Variants in ATAD2B observed in about 807,000 individuals in gnomAD.
The protein encoded by ATAD2B is ATPase family AAA domain-containing protein 2B.
ATAD2B carries 40 observed loss-of-function variants against 167.6 expected under a neutral mutation model. The observed-to-expected ratio is 0.24, with a 90% CI of 0.19 to 0.31. The LOEUF is 0.31. Among genes scored for constraint, ATAD2B ranks in the 10% least tolerant of loss-of-function variants. ATAD2B has a pLI of 1.00. For missense variants in ATAD2B, 1,242 were observed against 1,757.2 expected, an observed-to-expected ratio of 0.71 and a Z score of 5.24; for synonymous variants, 579 against 596.5, an observed-to-expected ratio of 0.97 and a Z score of 0.43.
chr2:23,681,320 A>G, the ATAD2B span, among the ~76,000 whole-genome samples: 1 of 152,250 alleles, frequency 6.6e-6, no homozygotes, highest in Non-Finnish European at 1.5e-5. This position sits in a 1 kb window ranked among gnomAD's most constrained non-coding sequence, Gnocchi z 4.2. Flanking sequence ...TGAGATTCAG[A>G]GAGAGCAGAA....
At chr2:23,886,101 T>C (rs1343375344) in intron 4 of ATAD2B, among the ~76,000 whole-genome samples, 1 of 151,958 alleles carries the variant, frequency 6.6e-6, no homozygotes, top group African/African-American at 2.4e-5. Flanking sequence ...TGCACTACCA[T>C]GCCCAGCTAA....
chr2:23,764,056 T>C (rs984445821), intron 23 of ATAD2B, among the ~76,000 whole-genome samples: 4 of 152,234 alleles, frequency 2.6e-5, no homozygotes, highest in African/African-American at 9.6e-5. Context: ...TAAACAATGC[T>C]CCTATGAACA....
intron 18 of ATAD2B, among the ~76,000 whole-genome samples, chr2:23,805,445 A>G (rs1017012781): frequency 6.6e-5 from 10 of 152,226 alleles, no homozygotes; most frequent in African/African-American, 2.4e-4. Context: ...ACTCCTTTGT[A>G]TGTCAAGATA....
intron 13 of ATAD2B, among the ~76,000 whole-genome samples, chr2:23,838,008 C>T (rs1690285615): frequency 6.6e-6 from 1 of 152,174 alleles, no homozygotes; most frequent in Non-Finnish European, 1.5e-5. Flanking sequence ...TATTCCTTTA[C>T]TCTTATTGCT....
In ATAD2B at chr2:23,785,594, T is replaced by C. The variant is rs553152106; in HGVS notation, c.2973+433A>G. 3.3e-5 allele frequency among the ~76,000 whole-genome samples: 5 copies of C among 152,168 alleles called. No individual in the cohort carries two copies. In the East Asian group the frequency reaches 7.7e-4, roughly 23 times the overall value. ...CCCAGCCACAGGCATTTCCAAAATA[T>C]GAAAGACAAAGAAATTTCAGGTTTT... On this transcript the variant is annotated intron_variant, in intron 21 of 27. Transcript: ENST00000238789.
intron 13 of ATAD2B, among the ~76,000 whole-genome samples, chr2:23,849,358 CATAAT>C (rs1219770842): frequency 1.3e-5 from 2 of 152,016 alleles, no homozygotes; most frequent in African/African-American, 4.8e-5. Context: ...ATGGACATTT[CATAAT>C]ATAAGAAAGC....
At chr2:23,827,104 G>A (rs1688372166) in intron 15 of ATAD2B, among the ~76,000 whole-genome samples, 2 of 151,698 alleles carry the variant, frequency 1.3e-5, no homozygotes, top group South Asian at 2.1e-4. Context: ...AATGTGAACC[G>A]GTTTCTCAGA....
the ATAD2B span, among the ~76,000 whole-genome samples, chr2:23,741,796 C>A: frequency 6.6e-6 from 1 of 152,046 alleles, no homozygotes; most frequent in Non-Finnish European, 1.5e-5. Flanking sequence ...ATTTTTGCAA[C>A]CTACTCATCT....
At chr2:23,830,381 C>T (rs536830940) in intron 14 of ATAD2B, among the ~76,000 whole-genome samples, 24 of 152,336 alleles carry the variant, frequency 1.6e-4, no homozygotes, top group Middle Eastern at 6.8e-3. Context: ...GTTTTCACAT[C>T]TGCACTCTTT....
chr2:23,882,499 A>AT (rs1384999512), intron 6 of ATAD2B, among the ~76,000 whole-genome samples: 4 of 128,386 alleles, frequency 3.1e-5, no homozygotes, highest in African/African-American at 9.4e-5. Context: ...CCCAGCCTCT[A>AT]TTTAAAAAAA....
the ATAD2B span, among the ~76,000 whole-genome samples, chr2:23,711,086 T>A: frequency 2.0e-5 from 3 of 152,172 alleles, no homozygotes; most frequent in Non-Finnish European, 1.5e-5. Flanking sequence ...TATATTTTTA[T>A]GATTGTGGGT....
chr2:23,889,771 T>A (rs1472019596), intron 2 of ATAD2B, among the ~76,000 whole-genome samples: 2 of 150,362 alleles, frequency 1.3e-5, no homozygotes, highest in African/African-American at 4.9e-5. Flanking sequence ...AATACAAAAA[T>A]TGCTGGGCGT....
rs531862024 is a variant in ATAD2B, at chr2:23,782,556, G to A, written c.3133+313C>T. Among the ~76,000 whole-genome samples, 22 of 152,218 alleles carry A rather than the reference G, an allele frequency of 1.4e-4. No individual in the cohort carries two copies. In the South Asian group the frequency reaches 1.9e-3, roughly 13 times the overall value. On this transcript the variant is annotated intron_variant, in intron 22 of 27. Transcript: ENST00000238789. Reference sequence around the variant, plus strand: ...TCCTATTATGGATTTCCATGAATTCGAAATTCTGAATCTTTATCAGCCCTG... The same window carrying A: ...TCCTATTATGGATTTCCATGAATTCAAAATTCTGAATCTTTATCAGCCCTG...
intron 12 of ATAD2B, among the ~76,000 whole-genome samples, chr2:23,857,739 AT>A (rs34857462): frequency 0.097 from 11,703 of 120,352 alleles, 257 homozygotes; most frequent in Middle Eastern, 0.17. Context: ...ACCAAAGTGT[AT>A]TTTTTTTTTT....
chr2:23,722,116 A>C, the ATAD2B span, among the ~76,000 whole-genome samples: 1 of 152,288 alleles, frequency 6.6e-6, no homozygotes, highest in South Asian at 2.1e-4. Context: ...TCCCTATGAA[A>C]CCTACTCCAT....
rs563226029 is a variant in ATAD2B, at chr2:23,878,220, G to C, written c.902-2316C>G. ...TACTAAAAATACAAAAATTAGCCAG[G>C]TGTGGTAGCGCATGCCTGTAGTCCC... On this transcript the variant is annotated intron_variant, in intron 7 of 27. Transcript: ENST00000238789. Among the ~76,000 whole-genome samples the C allele has an allele frequency of 1.7e-4, 26 of 151,754 alleles. No individual in the cohort carries two copies. In the South Asian group the frequency reaches 5.4e-3, roughly 32 times the overall value.
At chr2:23,696,807 T>C in the ATAD2B span, 1 of 325,402 alleles carries the variant, frequency 3.1e-6, no homozygotes, top group Admixed American at 4.7e-5. The surrounding 1 kb of genome is among the most constrained non-coding windows in gnomAD (Gnocchi z 5.5). Flanking sequence ...CAAGATCCAG[T>C]TGCAGAAGGC....
intron 19 of ATAD2B, among the ~76,000 whole-genome samples, chr2:23,792,912 G>A (rs939987952): frequency 3.2e-5 from 4 of 125,672 alleles, no homozygotes; most frequent in African/African-American, 9.0e-5. Context: ...GCAGTGAGCC[G>A]AGATTGTGCC....
the ATAD2B span, among the ~76,000 whole-genome samples, chr2:23,682,547 G>A: frequency 6.6e-6 from 1 of 152,212 alleles, no homozygotes; most frequent in African/African-American, 2.4e-5. The surrounding 1 kb of genome is among the most constrained non-coding windows in gnomAD (Gnocchi z 4.1). Context: ...GCTCCCTGGT[G>A]CCCCAGGATG....
Sources: gnomAD v4.1 joint callset for allele counts (sites outside exome capture counted in the v4.1 genomes callset) on GRCh38, gnomAD v4.1.1 for gene constraint, Gnocchi (gnomAD v3.1) non-coding constraint, MANE v1.5 for transcripts, NCBI Gene and HGNC (gene_info 2026-07-23, HGNC 2026-07-21) for gene names.